Variants in ARB2A observed in about 807,000 individuals in gnomAD.
ARB2A encodes the protein ARB2 cotranscriptional regulator A, also known as cotranscriptional regulator ARB2A.
chr5:93,773,771 G>A, the ARB2A span, among the ~76,000 whole-genome samples: 3 of 152,086 alleles, frequency 2.0e-5, no homozygotes, highest in Non-Finnish European at 4.4e-5. Context: ...ATGGTAATCT[G>A]TGATTAGAGA....
At chr5:93,979,250 C>G in the ARB2A span, among the ~76,000 whole-genome samples, 1 of 152,026 alleles carries the variant, frequency 6.6e-6, no homozygotes, top group African/African-American at 2.4e-5. Context: ...GAGCAATGAC[C>G]TGATTTAAAA....
At chr5:93,781,805 A>C in the ARB2A span, 1 of 814,562 alleles carries the variant, frequency 1.2e-6, no homozygotes, top group Non-Finnish European at 1.5e-6. Context: ...TCATATGTTT[A>C]TTGGCCACTT....
chr5:93,867,688 G>C, the ARB2A span, among the ~76,000 whole-genome samples: 3 of 151,994 alleles, frequency 2.0e-5, no homozygotes, highest in South Asian at 6.2e-4. Flanking sequence ...AGTGCTTTTA[G>C]AAAAGCAAAT....
chr5:93,866,524 G>C, the ARB2A span, among the ~76,000 whole-genome samples: 2 of 151,980 alleles, frequency 1.3e-5, no homozygotes, highest in Admixed American at 6.6e-5. Flanking sequence ...TGAATGGAGA[G>C]AAAAAAACAG....
At chr5:93,968,005 C>T in the ARB2A span, among the ~76,000 whole-genome samples, 3 of 151,974 alleles carry the variant, frequency 2.0e-5, no homozygotes, top group African/African-American at 7.3e-5. Flanking sequence ...GAGACAAAAA[C>T]AAAGAACCTA....
the ARB2A span, among the ~76,000 whole-genome samples, chr5:94,013,326 C>T: frequency 5.3e-5 from 8 of 151,786 alleles, no homozygotes; most frequent in African/African-American, 7.3e-5. Flanking sequence ...TACACGTGCC[C>T]GCCACCACGC....
At chr5:94,040,391 A>G in the ARB2A span, among the ~76,000 whole-genome samples, 165 of 151,888 alleles carry the variant, frequency 1.1e-3, no homozygotes, top group African/African-American at 3.8e-3. Context: ...TTTAGGGTAC[A>G]TGTACACAAC....
the ARB2A span, chr5:93,865,265 T>C: frequency 2.9e-6 from 1 of 339,998 alleles, no homozygotes; most frequent in African/African-American, 2.2e-5. Flanking sequence ...GTATTTTTAA[T>C]AGAGATGGGG....
At chr5:93,959,379 G>A in the ARB2A span, among the ~76,000 whole-genome samples, 1 of 152,026 alleles carries the variant, frequency 6.6e-6, no homozygotes, top group Non-Finnish European at 1.5e-5. Context: ...ATTTATAGAT[G>A]AAGAAATTGA....
At chr5:93,997,039 G>C in the ARB2A span, among the ~76,000 whole-genome samples, 3 of 151,978 alleles carry the variant, frequency 2.0e-5, no homozygotes, top group African/African-American at 7.2e-5. Flanking sequence ...GTAATTAAAA[G>C]TAAACAAATA....
chr5:94,109,545 G>C, the ARB2A span, among the ~76,000 whole-genome samples: 1 of 152,184 alleles, frequency 6.6e-6, no homozygotes, highest in Non-Finnish European at 1.5e-5. Context: ...ATTCTCCTCA[G>C]AGGTTTGTCT....
At chr5:94,013,260 C>A in the ARB2A span, among the ~76,000 whole-genome samples, 1 of 149,320 alleles carries the variant, frequency 6.7e-6, no homozygotes. Context: ...CTCACTGCAA[C>A]CTCTGCCTCC....
At chr5:93,837,105 G>T in the ARB2A span, among the ~76,000 whole-genome samples, 1 of 152,104 alleles carries the variant, frequency 6.6e-6, no homozygotes, top group Non-Finnish European at 1.5e-5. Flanking sequence ...TACCCAATAG[G>T]TATGTTTAAA....
the ARB2A span, among the ~76,000 whole-genome samples, chr5:93,971,613 A>AAATAAAT: frequency 6.4e-5 from 6 of 93,354 alleles, no homozygotes; most frequent in African/African-American, 1.8e-4. Flanking sequence ...AATAAATAAA[A>AAATAAAT]CAAAAATACA....
chr5:94,060,417 G>A, the ARB2A span, among the ~76,000 whole-genome samples: 1 of 151,904 alleles, frequency 6.6e-6, no homozygotes, highest in Non-Finnish European at 1.5e-5. Context: ...CAAATTAGAC[G>A]AAATGGTCCG....
At chr5:93,958,744 GC>G in the ARB2A span, 1 of 1,361,238 alleles carries the variant, frequency 7.3e-7, no homozygotes, top group Non-Finnish European at 9.9e-7. Context: ...ACTATAAAAT[GC>G]CAAAAAAAAA....
At chr5:94,026,949 A>G in the ARB2A span, among the ~76,000 whole-genome samples, 17 of 152,334 alleles carry the variant, frequency 1.1e-4, no homozygotes, top group South Asian at 3.5e-3. Flanking sequence ...TATCTACTGA[A>G]GTCTCAATCA....
chr5:93,723,691 G>T, the ARB2A span, among the ~76,000 whole-genome samples: 1 of 152,000 alleles, frequency 6.6e-6, no homozygotes, highest in Non-Finnish European at 1.5e-5. Flanking sequence ...CCTTATCGAT[G>T]CTAGTGAAGT....
the ARB2A span, among the ~76,000 whole-genome samples, chr5:94,085,688 G>A: frequency 6.6e-6 from 1 of 152,080 alleles, no homozygotes; most frequent in Non-Finnish European, 1.5e-5. Flanking sequence ...AAAGATCACT[G>A]GGGACCATCT....
Sources: allele counts gnomAD v4.1 joint callset (sites outside exome capture counted in the v4.1 genomes callset), GRCh38; gene constraint gnomAD v4.1.1; transcripts MANE v1.5; gene names NCBI Gene and HGNC (gene_info 2026-07-23, HGNC 2026-07-21).